The following ROR2 variants were observed in gnomAD, a reference collection of about 807,000 sequenced individuals.
The protein encoded by ROR2 is ROR family WNT receptor 2, also known as tyrosine-protein kinase transmembrane receptor ROR2.
ROR2 carries 33 observed loss-of-function variants against 74.9 expected under a neutral mutation model. The ratio of observed to expected loss-of-function variants is 0.44; its 90% CI spans 0.33 to 0.59. The LOEUF is 0.59. ROR2 is among the 20% of genes least tolerant of loss of function. The probability of loss-of-function intolerance (pLI) is 0.02; values close to 1 mark genes in which losing one functional copy is unlikely to be tolerated. For missense variants in ROR2, 1,216 were observed against 1,313.8 expected, an observed-to-expected ratio of 0.93 and a Z score of 1.15; for synonymous variants, 586 against 558.7, an observed-to-expected ratio of 1.05 and a Z score of -0.69.
chr9:91,788,398 G>A (rs899768973), intron 1 of ROR2, among the ~76,000 whole-genome samples: 21 of 152,120 alleles, frequency 1.4e-4, no homozygotes, highest in African/African-American at 4.3e-4. Flanking sequence ...AGATATCCAC[G>A]ACCAGGCACA....
intron 1 of ROR2, among the ~76,000 whole-genome samples, chr9:91,897,858 T>C (rs1383550019): frequency 6.6e-6 from 1 of 151,560 alleles, no homozygotes; most frequent in South Asian, 2.1e-4. Flanking sequence ...TCTGAGGGAG[T>C]CCCTGTGTGT....
rs747087662 is a variant in ROR2 at position 91,911,933 on chromosome 9, CA to C, written c.97+37933del. The stretch of plus-strand genomic sequence containing the variant: ...CCAGTGTCCATTACCTGAGTCTAAG[CA>C]AAAAAAAAAAAAAAAAAAAACCACA... On this transcript the variant is annotated intron_variant, in intron 1 of 8. Coordinates refer to ENST00000375708, the MANE Select transcript of ROR2 (RefSeq NM_004560.4). Among the ~76,000 whole-genome samples, 49 of 76,392 alleles carry C rather than the reference CA, an allele frequency of 6.4e-4. 1 individual carries two copies. The highest frequency in any genetic ancestry group is 2.2e-3 in the Admixed American group (15 of 6,714). The allele number at this position is 76,392 out of a possible 152,430, so 50.1% of individuals were successfully genotyped here.
intron 1 of ROR2, among the ~76,000 whole-genome samples, chr9:91,858,074 G>A (rs566700692): frequency 2.0e-5 from 3 of 152,230 alleles, no homozygotes; most frequent in Non-Finnish European, 1.5e-5. Context: ...GCTGGAAGAA[G>A]AAACAAAGGT....
At chr9:91,820,395 C>A (rs1477824031) in intron 1 of ROR2, among the ~76,000 whole-genome samples, 1 of 152,160 alleles carries the variant, frequency 6.6e-6, no homozygotes, top group East Asian at 1.9e-4. Context: ...GAATTCAATG[C>A]CCTGAACACA....
At position 91,749,244 on chromosome 9, in the gene ROR2, T is replaced by C. The variant is rs143126901; in HGVS notation, c.494+6827A>G. Among the ~76,000 whole-genome samples, 114 of 152,340 alleles carry C rather than the reference T, an allele frequency of 7.5e-4. 2 individuals are homozygous for C. The East Asian group carries it at 0.016, about 22-fold the overall frequency. On this transcript the variant is annotated intron_variant, in intron 4 of 8. Transcript: ENST00000375708. Reference sequence around the variant, plus strand: ...TAATAAGGTGGGTCAATCATCAGTTTAGGCTGCCATAACTAATATCATAGA... The same window carrying C: ...TAATAAGGTGGGTCAATCATCAGTTCAGGCTGCCATAACTAATATCATAGA...
At chr9:91,819,266 C>A (rs984220186) in intron 1 of ROR2, among the ~76,000 whole-genome samples, 17 of 152,342 alleles carry the variant, frequency 1.1e-4, no homozygotes, top group African/African-American at 3.8e-4. Context: ...GAGCTGCTGA[C>A]CCCCACCCCC....
chr9:91,733,142 G>C lies in ROR2; in HGVS notation c.917C>G (p.Pro306Arg). 1 of 1,599,340 alleles carries C rather than the reference G, an allele frequency of 6.3e-7. No homozygotes were observed. Among genetic ancestry groups the C allele is most frequent in the East Asian group, 2.3e-5 (1 of 44,382 alleles). Residue 306 changes from proline (P) to arginine (R), a missense_variant, in exon 6 of 9, where the codon CCA (proline) becomes CGA (arginine). Physicochemically the swap from Pro to Arg is moderately radical, Grantham distance 103. Transcript: ENST00000375708. The surrounding 1 kb of genome is among the most constrained non-coding windows in gnomAD (Gnocchi z 5.7). ...CTCACAGCGGCCCAGCCTCTCGGCT[G>C]GGATGCCAATGCGCATGCAGTTGGC... ...DAANCMRIGIPAERLGRYHQC... is the reference protein window; with the variant it reads ...DAANCMRIGIRAERLGRYHQC...
chr9:91,879,473 T>C (rs961340760), intron 1 of ROR2, among the ~76,000 whole-genome samples: 1 of 151,402 alleles, frequency 6.6e-6, no homozygotes, highest in African/African-American at 2.4e-5. Flanking sequence ...TGAAACAAAA[T>C]TCAAAAGTCA....
rs1564229608 is a variant in ROR2, at chr9:91,724,851, G to A, written c.1643C>T (p.Pro548Leu). The change falls in exon 9 of 9, where the codon CCC (proline) becomes CTC (leucine). Residue 548 changes from proline to leucine, a missense_variant. Physicochemically the swap from Pro to Leu is moderately conservative, Grantham distance 98. Transcript: ENST00000375708. Reference sequence around the variant, plus strand: ...ACAGTAGCTGAAGATCATGCTCAGGGGCTGGTCCTTGGTCACCACGCCCAG... The same window carrying A: ...ACAGTAGCTGAAGATCATGCTCAGGAGCTGGTCCTTGGTCACCACGCCCAG... ...CLLGVVTKDQ[P>L]LSMIFSYCSH... 6.2e-7 allele frequency: 1 copy of A among 1,602,806 alleles called. No individual in the cohort carries two copies. Among genetic ancestry groups the A allele is most frequent in the East Asian group, 2.2e-5 (1 of 44,680 alleles).
chr9:91,809,792 C>T (rs1827684122), intron 1 of ROR2, among the ~76,000 whole-genome samples: 1 of 152,232 alleles, frequency 6.6e-6, no homozygotes. Flanking sequence ...GCTGGTGAGG[C>T]TCCCGGCTCC....
intron 1 of ROR2, among the ~76,000 whole-genome samples, chr9:91,939,892 G>A (rs992700069): frequency 2.4e-4 from 36 of 152,140 alleles, no homozygotes; most frequent in African/African-American, 8.0e-4. Context: ...CAGAATAAAC[G>A]GGACTGGGAA....
At chr9:91,781,609 A>T (rs970502208) in intron 1 of ROR2, among the ~76,000 whole-genome samples, 13 of 152,234 alleles carry the variant, frequency 8.5e-5, no homozygotes, top group African/African-American at 2.7e-4. Flanking sequence ...TTTCAATTGC[A>T]GCTAGAAAAC....
In ROR2 at chr9:91,941,630, T is replaced by G. The variant is rs143752145; in HGVS notation, c.97+8237A>C. Among the ~76,000 whole-genome samples, 1,011 of 152,274 alleles carry G rather than the reference T, an allele frequency of 6.6e-3. 10 individuals are homozygous for G. Among genetic ancestry groups the G allele is most frequent in the African/African-American group, 0.023 (956 of 41,548 alleles). ...TCCGTTAGTATCCACGACAGCATGTTTTTCCCTCCAGCACAGGGTCAGGGC... is the reference window on the plus strand; with the variant it reads ...TCCGTTAGTATCCACGACAGCATGTGTTTCCCTCCAGCACAGGGTCAGGGC... On this transcript the variant is annotated intron_variant, in intron 1 of 8. Coordinates refer to ENST00000375708, the MANE Select transcript of ROR2 (RefSeq NM_004560.4).
intron 1 of ROR2, among the ~76,000 whole-genome samples, chr9:91,817,833 G>GGGAGGGAGGA (rs1827996959): frequency 6.6e-6 from 1 of 152,120 alleles, no homozygotes; most frequent in Non-Finnish European, 1.5e-5. Flanking sequence ...AGTTGTTAAG[G>GGGAGGGAGGA]GGAGGGAGGA....
intron 1 of ROR2, among the ~76,000 whole-genome samples, chr9:91,816,926 A>G (rs764354418): frequency 1.3e-5 from 2 of 152,210 alleles, no homozygotes; most frequent in Non-Finnish European, 2.9e-5. Flanking sequence ...CCTTAAGTTG[A>G]CATGATCTTA....
At chr9:91,732,885 C>T (rs951322323) in intron 6 of ROR2, among the ~76,000 whole-genome samples, 1 of 152,228 alleles carries the variant, frequency 6.6e-6, no homozygotes, top group Non-Finnish European at 1.5e-5. Flanking sequence ...CAGCTGGACA[C>T]AGTGCAAGCC....
intron 1 of ROR2, among the ~76,000 whole-genome samples, chr9:91,793,444 G>C (rs1287571806): frequency 6.6e-6 from 1 of 151,860 alleles, no homozygotes; most frequent in Non-Finnish European, 1.5e-5. Context: ...ACAGACTTAA[G>C]CATATAATAC....
intron 1 of ROR2, among the ~76,000 whole-genome samples, chr9:91,921,856 C>CAA (rs560682210): frequency 3.4e-5 from 3 of 88,300 alleles, no homozygotes; most frequent in East Asian, 2.9e-4. Flanking sequence ...GACTCCGTCT[C>CAA]AAAAAAAAAA....
chr9:91,942,133 G>A lies in ROR2; in HGVS notation c.97+7734C>T, dbSNP rs374333662. Among the ~76,000 whole-genome samples the A allele has an allele frequency of 9.9e-5, 15 of 152,132 alleles. No homozygotes were observed. The East Asian group carries it at 1.9e-3, about 20-fold the overall frequency. On this transcript the variant is annotated intron_variant, in intron 1 of 8. Transcript: ENST00000375708. ...TGGACCTGGCCTGCCCTGTTTCATC[G>A]CTCATGTCCTCGACAATTTTTGCTA...
Sources: gnomAD v4.1 joint callset for allele counts (sites outside exome capture counted in the v4.1 genomes callset) on GRCh38, gnomAD v4.1.1 for gene constraint, Gnocchi (gnomAD v3.1) non-coding constraint, MANE v1.5 for transcripts, NCBI Gene and HGNC (gene_info 2026-07-23, HGNC 2026-07-21) for gene names.